MAP3K20: variants seen among roughly 807,000 people sequenced by gnomAD.
MAP3K20 encodes mitogen-activated protein kinase kinase kinase 20.
Under a neutral mutation model 85.7 loss-of-function variants are expected in MAP3K20, and 40 were observed. The observed-to-expected ratio is 0.47, with a 90% CI of 0.36 to 0.61. The LOEUF is 0.61. MAP3K20 is among the 20% of genes least tolerant of loss of function. The pLI is 0.00. For missense variants in MAP3K20, 817 were observed against 961.7 expected, an observed-to-expected ratio of 0.85 and a Z score of 1.99; for synonymous variants, 325 against 327.7, an observed-to-expected ratio of 0.99 and a Z score of 0.09.
rs201122459 is a variant in MAP3K20 at position 173,191,062 on chromosome 2, G to A, written c.467G>A (p.Arg156Gln). Residue 156 changes from arginine to glutamine, a missense_variant, in exon 7 of 20, where the codon CGG (arginine) becomes CAG (glutamine). Around this residue, in one of 4 missense-constraint regions of MAP3K20, gnomAD observed 200 missense variants for 302.7 expected, o/e 0.66. Coordinates refer to ENST00000375213, the MANE Select transcript of MAP3K20 (RefSeq NM_016653.3). The part of the protein sequence containing the change: ...VLKICDFGAS[R>Q]FHNHTTHMSL... ...CAGATCTGTGACTTTGGTGCCTCTC[G>A]GTTCCATAACCATACAACACACATG... The A allele has an allele frequency of 3.1e-6, 5 of 1,613,750 alleles. No individual in the cohort carries two copies. The highest frequency in any genetic ancestry group is 2.2e-5 in the South Asian group (2 of 91,034).
intron 3 of MAP3K20, among the ~76,000 whole-genome samples, chr2:173,170,533 A>G (rs1191116908): frequency 6.6e-6 from 1 of 152,234 alleles, no homozygotes; most frequent in East Asian, 1.9e-4. Context: ...TTGTAGGTCT[A>G]TAATCGGTTT....
chr2:173,203,500 G>A lies in MAP3K20; in HGVS notation c.670-296G>A, dbSNP rs546939051. 3.6e-4 allele frequency among the ~76,000 whole-genome samples: 54 copies of A among 152,096 alleles called. 1 individual carries two copies. The highest frequency in any genetic ancestry group is 2.6e-4 in the Admixed American group (4 of 15,262). On this transcript the variant is annotated intron_variant, in intron 8 of 19. Coordinates refer to ENST00000375213, the MANE Select transcript of MAP3K20 (RefSeq NM_016653.3). Reference sequence around the variant, plus strand: ...GTTTTATATTTAATATTTAAGTTCCGACTTGCCCCCTCCTACTGTAGTTCT... The same window carrying A: ...GTTTTATATTTAATATTTAAGTTCCAACTTGCCCCCTCCTACTGTAGTTCT...
intron 7 of MAP3K20, among the ~76,000 whole-genome samples, chr2:173,191,876 G>A (rs1388915309): frequency 6.6e-6 from 1 of 152,202 alleles, no homozygotes; most frequent in African/African-American, 2.4e-5. Flanking sequence ...GGAGGAATTT[G>A]GAGATGGGCC....
chr2:173,261,575 A>G (rs888664877), intron 18 of MAP3K20, among the ~76,000 whole-genome samples: 2 of 152,212 alleles, frequency 1.3e-5, no homozygotes, highest in African/African-American at 4.8e-5. Context: ...TGGAAATATT[A>G]GTGTGCACCC....
chr2:173,217,176 GAGC>G lies in MAP3K20; in HGVS notation c.916_918del (p.Gln306del). ...ACTAGAGCGTGATCTCAGCTTTAAGGAGCAGGAGCTTAAAGAACGAGAAAGACG... is the reference window on the plus strand; with the variant it reads ...ACTAGAGCGTGATCTCAGCTTTAAGGAGGAGCTTAAAGAACGAGAAAGACG... On this transcript the variant is annotated inframe_deletion, in exon 11 of 20. Transcript: ENST00000375213. The G allele has an allele frequency of 6.2e-7, 1 of 1,608,172 alleles. No homozygotes were observed. The highest frequency in any genetic ancestry group is 1.1e-5 in the South Asian group (1 of 89,946).
At chr2:173,149,736 C>T (rs1292862952) in intron 2 of MAP3K20, among the ~76,000 whole-genome samples, 4 of 152,174 alleles carry the variant, frequency 2.6e-5, no homozygotes, top group Non-Finnish European at 4.4e-5. Flanking sequence ...CATCTCCGCG[C>T]ATCCTCCCCA....
chr2:173,118,597 G>T (rs1048553791), intron 2 of MAP3K20, among the ~76,000 whole-genome samples: 7 of 152,280 alleles, frequency 4.6e-5, no homozygotes, highest in Non-Finnish European at 1.0e-4. Context: ...ACAAGGCCTT[G>T]TTCTGAGTAC....
At chr2:173,130,981 C>T (rs1436513215) in intron 2 of MAP3K20, among the ~76,000 whole-genome samples, 1 of 152,198 alleles carries the variant, frequency 6.6e-6, no homozygotes, top group Non-Finnish European at 1.5e-5. Context: ...TGTCTATCAG[C>T]CCCTTTGAAA....
intron 16 of MAP3K20, among the ~76,000 whole-genome samples, chr2:173,244,431 T>A (rs1684868802): frequency 6.6e-6 from 1 of 152,212 alleles, no homozygotes; most frequent in Admixed American, 6.5e-5. Flanking sequence ...ATTCAATAAA[T>A]GTCATCTCCT....
At position 173,257,635 on chromosome 2, in the gene MAP3K20, C is replaced by G. The variant is rs565623802; in HGVS notation, c.1360-1064C>G. Among the ~76,000 whole-genome samples the G allele has an allele frequency of 4.9e-4, 74 of 152,226 alleles. 1 individual carries two copies. Among genetic ancestry groups the G allele is most frequent in the African/African-American group, 1.7e-3 (72 of 41,546 alleles). The stretch of plus-strand genomic sequence containing the variant: ...TAAAGCTGCTAAGAACACATCTAGA[C>G]AAGTCTTTTTTCTTTTCTCTTGGGT... On this transcript the variant is annotated intron_variant, in intron 16 of 19. Coordinates refer to ENST00000375213, the MANE Select transcript of MAP3K20 (RefSeq NM_016653.3).
At chr2:173,173,245 G>C (rs142350566) in intron 3 of MAP3K20, among the ~76,000 whole-genome samples, 1 of 151,684 alleles carries the variant, frequency 6.6e-6, no homozygotes, top group Non-Finnish European at 1.5e-5. Flanking sequence ...CCTGGGAGAT[G>C]AAGGAAGGAG....
chr2:173,125,932 G>A lies in MAP3K20; in HGVS notation c.159+34742G>A, dbSNP rs12478059. 6.6e-4 allele frequency among the ~76,000 whole-genome samples: 100 copies of A among 152,228 alleles called. 1 individual carries two copies. Among genetic ancestry groups the A allele is most frequent in the Admixed American group, 6.0e-3 (92 of 15,284 alleles). ...CTGCCTCGGCCTCCCAAAGTGCTGGGATTACAGGTGTGAACCACTGCGCCT... is the reference window on the plus strand; with the variant it reads ...CTGCCTCGGCCTCCCAAAGTGCTGGAATTACAGGTGTGAACCACTGCGCCT... On this transcript the variant is annotated intron_variant, in intron 2 of 19. Coordinates refer to ENST00000375213, the MANE Select transcript of MAP3K20 (RefSeq NM_016653.3).
intron 3 of MAP3K20, among the ~76,000 whole-genome samples, chr2:173,171,892 A>G (rs538452214): frequency 6.6e-6 from 1 of 152,320 alleles, no homozygotes; most frequent in African/African-American, 2.4e-5. Context: ...TAGCTCTCTT[A>G]TTGACCTATG....
chr2:173,249,993 G>A (rs1212719539), intron 16 of MAP3K20, among the ~76,000 whole-genome samples: 1 of 152,150 alleles, frequency 6.6e-6, no homozygotes. Flanking sequence ...CTCCACCGGT[G>A]TCTACTTGGC....
intron 12 of MAP3K20, 34 bp downstream of exon 12, chr2:173,229,767 G>A (rs371512156): frequency 1.4e-5 from 22 of 1,612,194 alleles, no homozygotes; most frequent in African/African-American, 2.7e-5. Context: ...TATTTGACTT[G>A]AGCAGGTATT....
intron 17 of MAP3K20, 92 bp downstream of exon 17, chr2:173,258,907 G>T (rs895232745): frequency 7.5e-6 from 6 of 796,922 alleles, no homozygotes; most frequent in Non-Finnish European, 1.3e-5. Flanking sequence ...TTTTGTGCTT[G>T]TCCATGCTCA....
At chr2:173,186,121 C>A (rs1381709827) in intron 4 of MAP3K20, among the ~76,000 whole-genome samples, 1 of 152,072 alleles carries the variant, frequency 6.6e-6, no homozygotes, top group Non-Finnish European at 1.5e-5. Flanking sequence ...TTCTTATAAT[C>A]TTCCATGAGG....
At chr2:173,151,426 A>G (rs1689303795) in intron 2 of MAP3K20, among the ~76,000 whole-genome samples, 1 of 152,188 alleles carries the variant, frequency 6.6e-6, no homozygotes, top group African/African-American at 2.4e-5. Flanking sequence ...TTATCAATAG[A>G]TAAGCTGACG....
intron 2 of MAP3K20, among the ~76,000 whole-genome samples, chr2:173,134,630 GT>G (rs1463441490): frequency 6.7e-6 from 1 of 150,284 alleles, no homozygotes; most frequent in Non-Finnish European, 1.5e-5. Flanking sequence ...CTGCCCATTG[GT>G]TTTAGTACTG....
Sources: allele counts gnomAD v4.1 joint callset (sites outside exome capture counted in the v4.1 genomes callset), GRCh38; gene constraint gnomAD v4.1.1; regional missense constraint gnomAD v4.1.1; transcripts MANE v1.5; gene names NCBI Gene and HGNC (gene_info 2026-07-23, HGNC 2026-07-21).